The following WIPF2 variants were observed in gnomAD, a reference collection of about 807,000 sequenced individuals.
The protein encoded by WIPF2 is WAS/WASL interacting protein family member 2.
In WIPF2, 23 loss-of-function variants were observed where a neutral mutation model predicts 38.8. The ratio of observed to expected loss-of-function variants is 0.59; its 90% CI spans 0.43 to 0.84. The LOEUF is 0.84. Among genes scored for constraint, WIPF2 ranks in the 40% least tolerant of loss-of-function variants. WIPF2 has a pLI of 0.00. For missense variants in WIPF2, 574 were observed against 580.5 expected (o/e 0.99, Z 0.11); for synonymous variants, 210 against 223.2 (o/e 0.94, Z 0.53).
In WIPF2 at chr17:40,278,664, T is replaced by G. The variant is rs1460975217; in HGVS notation, c.*439T>G. 6.3e-6 allele frequency: 1 copy of G among 159,770 alleles called. No individual in the cohort carries two copies. The highest frequency in any genetic ancestry group is 1.4e-5 in the Non-Finnish European group (1 of 72,768). The allele number at this position is 159,770 out of a possible 1,614,324, so 9.9% of individuals were successfully genotyped here. A position where few individuals can be genotyped will look rare whatever the true frequency, so the allele number is the denominator to read the frequency against. ...AGGAGGCTGGCATGACCAGGACTTA[T>G]GGGTGGGAGGGGAGCATTTTTAGTG... On this transcript the variant is annotated 3_prime_UTR_variant, in exon 8 of 8. Coordinates refer to ENST00000323571, the MANE Select transcript of WIPF2 (RefSeq NM_133264.5).
At position 40,273,932 on chromosome 17, in the gene WIPF2, C is replaced by T; in HGVS notation, c.1113C>T (p.Pro371=). ...CCTCAAGGACGCCAGCTGGGCCACC[C>T]CCTCCTCCTCCACCGCCCCTGAGGA... ...PPPSRTPAGP[P]PPPPPPLRNG... is the part of the protein sequence containing the mutation. The change falls in exon 6 of 8, where the codon CCC becomes CCT. Residue 371 remains proline (P), a synonymous_variant. Transcript: ENST00000323571. 6.3e-7 allele frequency: 1 copy of T among 1,591,800 alleles called. No individual in the cohort carries two copies. The highest frequency in any genetic ancestry group is 1.1e-5 in the South Asian group (1 of 88,684).
intron 1 of WIPF2, among the ~76,000 whole-genome samples, chr17:40,231,839 G>A (rs1284691034): frequency 6.6e-6 from 1 of 151,396 alleles, no homozygotes; most frequent in Non-Finnish European, 1.5e-5. Flanking sequence ...TTTTTTTTTG[G>A]TCATCAATGA....
At chr17:40,260,379 G>A (rs1421666436) in intron 2 of WIPF2, among the ~76,000 whole-genome samples, 156 bp from the exon 3 acceptor site, 1 of 151,656 alleles carries the variant, frequency 6.6e-6, no homozygotes, top group Non-Finnish European at 1.5e-5. Flanking sequence ...TAGAGATGGG[G>A]TTTCACCATG....
intron 5 of WIPF2, among the ~76,000 whole-genome samples, chr17:40,267,979 C>A (rs2032143404): frequency 6.6e-6 from 1 of 151,948 alleles, no homozygotes; most frequent in Non-Finnish European, 1.5e-5. Flanking sequence ...CCTGTCTCTA[C>A]AAAAAATAAT....
chr17:40,243,749 G>A (rs2031269550), intron 1 of WIPF2, among the ~76,000 whole-genome samples: 2 of 151,790 alleles, frequency 1.3e-5, no homozygotes, highest in Non-Finnish European at 2.9e-5. Flanking sequence ...TAAAACTCCT[G>A]ACCTCGGGTG....
chr17:40,229,242 G>T (rs1038907242), intron 1 of WIPF2, among the ~76,000 whole-genome samples: 3 of 150,992 alleles, frequency 2.0e-5, no homozygotes, highest in African/African-American at 7.3e-5. Context: ...TTCCCGAGTA[G>T]CTAGGATTAC....
Position 40,278,195 on chromosome 17 carries a change from A to C in WIPF2, c.1293A>C (p.Gly431=). 1 of 1,613,416 alleles carries C rather than the reference A, an allele frequency of 6.2e-7. No individual in the cohort carries two copies. Among genetic ancestry groups the C allele is most frequent in the South Asian group, 1.1e-5 (1 of 90,954 alleles). ...YPSKTNRAAR[G]APPLPPILR ...TTTGTTTTTTTTCAGCTGCCCGTGG[A>C]GCCCCACCTCTGCCACCCATTCTCA... is the stretch of plus-strand genomic sequence containing the variant. Residue 431 remains glycine (G), a synonymous_variant, in exon 8 of 8, where the codon GGA becomes GGC. Coordinates refer to ENST00000323571, the MANE Select transcript of WIPF2 (RefSeq NM_133264.5).
intron 4 of WIPF2, among the ~76,000 whole-genome samples, chr17:40,263,552 C>A (rs1015563381): frequency 2.1e-5 from 3 of 143,140 alleles, no homozygotes; most frequent in African/African-American, 2.6e-5. Context: ...TTCGTCCCCC[C>A]CCCCCCCGCA....
At chr17:40,260,724 A>T (rs761634878) in intron 3 of WIPF2, 57 bp downstream of exon 3, 83 of 1,611,520 alleles carry the variant, frequency 5.2e-5, no homozygotes, top group Non-Finnish European at 6.8e-5. Context: ...TGACTTGGAG[A>T]CTTGGCTGGG....
At chr17:40,254,950 G>T (rs1460242225) in intron 1 of WIPF2, among the ~76,000 whole-genome samples, 1 of 151,938 alleles carries the variant, frequency 6.6e-6, no homozygotes, top group East Asian at 1.9e-4. Context: ...GGCTGGTCTC[G>T]AACTCCTGAC....
rs371494150 is a variant in WIPF2 at position 40,277,268 on chromosome 17, G to A, written c.1282+84G>A. ...TTTCTTAGGTTAAAATTTGCTTCTC[G>A]CTGGGCACAGTGGCTCATACCTATA... On this transcript the variant is annotated intron_variant, in intron 7 of 7. Transcript: ENST00000323571. 86 of 1,213,420 alleles carry A rather than the reference G, an allele frequency of 7.1e-5. 2 individuals are homozygous for A. The highest frequency in any genetic ancestry group is 2.7e-4 in the East Asian group (11 of 40,710). 75.2% of individuals were successfully genotyped at this position (1,213,420 alleles called of 1,614,324 possible).
At position 40,260,218 on chromosome 17, in the gene WIPF2, C is replaced by T. The variant is rs189364296; in HGVS notation, c.64-317C>T. Among the ~76,000 whole-genome samples, 612 of 128,084 alleles carry T rather than the reference C, an allele frequency of 4.8e-3. 2 individuals are homozygous for T. The highest frequency in any genetic ancestry group is 0.017 in the African/African-American group (589 of 33,708). The allele number at this position is 128,084 out of a possible 152,430, so 84.0% of individuals were successfully genotyped here. ...TTTTTTTTTTTTGCAGGCACATTCTCGCCCTGTTGCCCAGGCTGCAGTGCA... is the reference window on the plus strand; with the variant it reads ...TTTTTTTTTTTTGCAGGCACATTCTTGCCCTGTTGCCCAGGCTGCAGTGCA... On this transcript the variant is annotated intron_variant, in intron 2 of 7. Transcript: ENST00000323571.
At chr17:40,228,897 C>T (rs2030617348) in intron 1 of WIPF2, among the ~76,000 whole-genome samples, 1 of 151,864 alleles carries the variant, frequency 6.6e-6, no homozygotes, top group Non-Finnish European at 1.5e-5. Context: ...CATGAGCCAC[C>T]ACACCTGGCC....
intron 1 of WIPF2, among the ~76,000 whole-genome samples, chr17:40,234,077 A>T (rs1454833292): frequency 1.3e-5 from 2 of 150,756 alleles, no homozygotes; most frequent in African/African-American, 2.4e-5. Flanking sequence ...AAATAATAAT[A>T]AAAAAAACAG....
chr17:40,273,834 GCTCCCC>G lies in WIPF2; in HGVS notation c.1023_1028del (p.Pro344_Pro345del). The G allele has an allele frequency of 7.5e-6, 12 of 1,600,206 alleles. No individual in the cohort carries two copies. Among genetic ancestry groups the G allele is most frequent in the Non-Finnish European group, 1.0e-5 (12 of 1,169,656 alleles). ...TGTGATCCGAAATGGTGCCAGGGAT[GCTCCCC>G]CTCCCCCACCACCATACCGAATGCA... On this transcript the variant is annotated inframe_deletion, in exon 6 of 8. Coordinates refer to ENST00000323571, the MANE Select transcript of WIPF2 (RefSeq NM_133264.5).
At chr17:40,254,406 C>T (rs1426157197) in intron 1 of WIPF2, among the ~76,000 whole-genome samples, 1 of 152,078 alleles carries the variant, frequency 6.6e-6, no homozygotes, top group Admixed American at 6.6e-5. Context: ...TTCTTGTCAT[C>T]TGTAAGTTGT....
At chr17:40,262,156 C>G (rs1313270180) in intron 3 of WIPF2, among the ~76,000 whole-genome samples, 1 of 149,628 alleles carries the variant, frequency 6.7e-6, no homozygotes, top group Non-Finnish European at 1.5e-5. Context: ...TCACAGTTCA[C>G]TGCAGCCTCG....
In WIPF2 at chr17:40,260,517, A is replaced by G. The variant is rs370393488; in HGVS notation, c.64-18A>G. 18 of 1,612,940 alleles carry G rather than the reference A, an allele frequency of 1.1e-5. No individual in the cohort carries two copies. Among genetic ancestry groups the G allele is most frequent in the Non-Finnish European group, 1.5e-5 (18 of 1,179,444 alleles). ...AGGGAACTCTTTAGGGTGAACTTAT[A>G]TTTCTCTTATCCTCCAGGCAAACAC... On this transcript the variant is annotated intron_variant, in intron 2 of 7. Transcript: ENST00000323571.
In WIPF2 at chr17:40,279,546, T is replaced by C. The variant is rs1039699745; in HGVS notation, c.*1321T>C. 7 of 152,612 alleles carry C rather than the reference T, an allele frequency of 4.6e-5. No homozygotes were observed. Among genetic ancestry groups the C allele is most frequent in the African/African-American group, 1.7e-4 (7 of 41,424 alleles). The allele number at this position is 152,612 out of a possible 1,614,324, so 9.5% of individuals were successfully genotyped here. A position where few individuals can be genotyped will look rare whatever the true frequency, so the allele number is the denominator to read the frequency against. On this transcript the variant is annotated 3_prime_UTR_variant, in exon 8 of 8. Transcript: ENST00000323571. ...ATCTTCCTTGGCAGCCAGCCATAGG[T>C]TGTTTCTTTGTCTTCCGGGTCCTAA...
Sources: allele counts gnomAD v4.1 joint callset (sites outside exome capture counted in the v4.1 genomes callset), GRCh38; gene constraint gnomAD v4.1.1; transcripts MANE v1.5; gene names NCBI Gene and HGNC (gene_info 2026-07-23, HGNC 2026-07-21).